Variants in EIF4B observed in about 807,000 individuals in gnomAD.
The protein encoded by EIF4B is eukaryotic translation initiation factor 4B.
Under a neutral mutation model 79.3 loss-of-function variants are expected in EIF4B, and 8 were observed. That is an observed-to-expected ratio of 0.10 (90% confidence interval 0.06 to 0.18). The LOEUF is 0.18. EIF4B is among the 10% of genes least tolerant of loss of function. The pLI is 1.00. For missense variants in EIF4B, 515 were observed against 792.4 expected (o/e 0.65, Z 4.20); for synonymous variants, 238 against 274.7 (o/e 0.87, Z 1.32).
chr12:53,013,522 C>T (rs999021590), intron 1 of EIF4B: 1 of 152,246 alleles, frequency 6.6e-6, no homozygotes, highest in Admixed American at 6.5e-5. Context: ...CACAGTGGCT[C>T]ATGCCTGTAA....
rs1355353594 is a variant in EIF4B, at chr12:53,028,058, T to A, written c.849T>A (p.Ser283Arg). 4 of 1,613,404 alleles carry A rather than the reference T, an allele frequency of 2.5e-6. No homozygotes were observed. The highest frequency in any genetic ancestry group is 3.4e-6 in the Non-Finnish European group (4 of 1,179,682). Residue 283 changes from serine to arginine, a missense_variant, in exon 8 of 15, where the codon AGT becomes AGA. Physicochemically the swap from Ser to Arg is moderately radical, Grantham distance 110. Coordinates refer to ENST00000262056, the MANE Select transcript of EIF4B (RefSeq NM_001417.7). Reference protein sequence around the residue: ...RIGSGRRAFGSGYRRDDDYRG... With the variant: ...RIGSGRRAFGRGYRRDDDYRG... Reference sequence around the variant, plus strand: ...GCAGTGGCAGAAGAGCATTTGGCAGTGGGTATCGCAGGGATGATGACTACA... The same window carrying A: ...GCAGTGGCAGAAGAGCATTTGGCAGAGGGTATCGCAGGGATGATGACTACA...
intron 10 of EIF4B, 50 bp downstream of exon 10, chr12:53,034,759 A>G (rs1419106572): frequency 1.1e-5 from 18 of 1,599,436 alleles, no homozygotes; most frequent in South Asian, 6.6e-5. Flanking sequence ...TCCATAAACT[A>G]TCCATAACCA....
chr12:53,025,426 A>T, intron 6 of EIF4B: 1 of 337,148 alleles, frequency 3.0e-6, no homozygotes. Flanking sequence ...CTCCTGTCCC[A>T]AGCATTAGGC....
chr12:53,019,423 TTATA>T (rs143395955), intron 3 of EIF4B, among the ~76,000 whole-genome samples: 4,046 of 65,170 alleles, frequency 0.062, 259 homozygotes, highest in Non-Finnish European at 0.12. Context: ...AAAATCAAAA[TTATA>T]TATATATATA....
In EIF4B at chr12:53,021,822, G is replaced by A; in HGVS notation, c.494G>A (p.Arg165Lys). 1 of 1,614,188 alleles carries A rather than the reference G, an allele frequency of 6.2e-7. No individual in the cohort carries two copies. ...TGCTCTCAGTCTCTAGGTAACAGGA[G>A]AATTCGAGTGGACGTTGCTGATCAA... Reference protein sequence around the residue: ...SLNEESLGNRRIRVDVADQAQ... With the variant: ...SLNEESLGNRKIRVDVADQAQ... The change falls in exon 5 of 15, where the codon AGA becomes AAA. Residue 165 changes from arginine (R) to lysine (K), a missense_variant. By Grantham distance (26) the Arg-to-Lys change is conservative. Coordinates refer to ENST00000262056, the MANE Select transcript of EIF4B (RefSeq NM_001417.7).
chr12:53,019,763 C>T (rs1322526391), intron 3 of EIF4B, 147 bp from the exon 4 acceptor site: 1 of 634,054 alleles, frequency 1.6e-6, no homozygotes, highest in East Asian at 3.4e-5. Context: ...TACTATCCCT[C>T]TGCATCAGTT....
At chr12:53,020,458 G>A (rs547422506) in intron 4 of EIF4B, among the ~76,000 whole-genome samples, 1 of 152,116 alleles carries the variant, frequency 6.6e-6, no homozygotes, top group Non-Finnish European at 1.5e-5. Flanking sequence ...TCATTTAAGA[G>A]GATTTGGAAA....
At chr12:53,011,710 T>C (rs1943066170) in intron 1 of EIF4B, among the ~76,000 whole-genome samples, 1 of 152,254 alleles carries the variant, frequency 6.6e-6, no homozygotes, top group Admixed American at 6.5e-5. Context: ...AAACCATGAA[T>C]GTGTTGTCTC....
chr12:53,037,494 T>A lies in EIF4B; in HGVS notation c.1392T>A (p.Pro464=), dbSNP rs554869907. The A allele has an allele frequency of 2.5e-6, 4 of 1,613,620 alleles. No individual in the cohort carries two copies. The South Asian group carries it at 4.4e-5, about 18-fold the overall frequency. Residue 464 remains proline, a synonymous_variant, in exon 11 of 15, where the codon CCT becomes CCA. Coordinates refer to ENST00000262056, the MANE Select transcript of EIF4B (RefSeq NM_001417.7). ...EEDCHSPTSK[P]PKPDQPLKVM... is the part of the protein sequence containing the mutation. ...ATTGCCACTCTCCAACTTCTAAACCTCCCAAACCTGATCAGCCCCTAAAGG... is the reference window on the plus strand; with the variant it reads ...ATTGCCACTCTCCAACTTCTAAACCACCCAAACCTGATCAGCCCCTAAAGG...
intron 6 of EIF4B, among the ~76,000 whole-genome samples, chr12:53,022,967 C>CA (rs1943271734): frequency 6.6e-6 from 1 of 151,972 alleles, no homozygotes; most frequent in South Asian, 2.1e-4. Context: ...AGTTTGAGAG[C>CA]AGCCTGGGCG....
At chr12:53,018,645 G>A (rs577373581) in intron 2 of EIF4B, 153 bp from the exon 3 acceptor site, 39 of 659,366 alleles carry the variant, frequency 5.9e-5, no homozygotes, top group Middle Eastern at 4.2e-4. Flanking sequence ...GCTTCTCTTC[G>A]TAAAGTGCCC....
intron 5 of EIF4B, chr12:53,022,159 T>C: frequency 1.5e-6 from 1 of 664,978 alleles, no homozygotes; most frequent in Non-Finnish European, 2.7e-6. Flanking sequence ...TTGAGAAGAC[T>C]GATTGATCTA....
In EIF4B at chr12:53,019,952, A is replaced by C. The variant is rs535049925; in HGVS notation, c.403A>C (p.Arg135=). The change falls in exon 4 of 15, where the codon AGG becomes CGG. Residue 135 remains arginine (R), a synonymous_variant. Coordinates refer to ENST00000262056, the MANE Select transcript of EIF4B (RefSeq NM_001417.7). ...RLPREPSNPE[R]LKGFGYAEFE... ...ACCACGTGAACCCAGCAATCCAGAG[A>C]GGTTGAAAGGTTTTGGTTATGCTGA... 11 of 1,612,942 alleles carry C rather than the reference A, an allele frequency of 6.8e-6. No individual in the cohort carries two copies. In the South Asian group the frequency reaches 1.2e-4, roughly 18 times the overall value.
chr12:53,016,283 T>C (rs944054102), intron 1 of EIF4B, among the ~76,000 whole-genome samples, 190 bp from the exon 2 acceptor site: 1 of 152,254 alleles, frequency 6.6e-6, no homozygotes, highest in Admixed American at 6.5e-5. Flanking sequence ...TTACACATAA[T>C]AGGTATTCTG....
chr12:53,034,087 G>A, intron 9 of EIF4B, 53 bp downstream of exon 9: 1 of 1,519,062 alleles, frequency 6.6e-7, no homozygotes, highest in Non-Finnish European at 8.9e-7. Context: ...TCGTAATGGG[G>A]GCATTACATC....
rs1438458719 is a variant in EIF4B, at chr12:53,029,352, A to AT, written c.979+1170dup. Among the ~76,000 whole-genome samples, 6 of 148,944 alleles carry AT rather than the reference A, an allele frequency of 4.0e-5. No homozygotes were observed. In the South Asian group the frequency reaches 6.4e-4, roughly 16 times the overall value. On this transcript the variant is annotated intron_variant, in intron 8 of 14. Transcript: ENST00000262056. ...AAAAGGTTATGGTATCTGGCCCAGA[A>AT]TTTTTTCTATCCTTTTTTTATTTTA...
intron 1 of EIF4B, among the ~76,000 whole-genome samples, chr12:53,012,585 CT>C (rs796811272): frequency 1.1e-4 from 16 of 143,960 alleles, no homozygotes; most frequent in Admixed American, 2.8e-4. Flanking sequence ...ACAGTAATTT[CT>C]TTTTTTTTTC....
At chr12:53,026,946 C>T (rs1043241505) in intron 6 of EIF4B, among the ~76,000 whole-genome samples, 4 of 151,718 alleles carry the variant, frequency 2.6e-5, no homozygotes, top group Non-Finnish European at 5.9e-5. Context: ...AAATTATGTC[C>T]TGTTAGTCAT....
chr12:53,019,931 C>T lies in EIF4B; in HGVS notation c.382C>T (p.Arg128Cys), dbSNP rs775564226. The T allele has an allele frequency of 2.5e-6, 4 of 1,611,222 alleles. No homozygotes were observed. Among genetic ancestry groups the T allele is most frequent in the South Asian group, 1.1e-5 (1 of 90,390 alleles). ...TCAGATCAGTGCAGTGCGTTTACCA[C>T]GTGAACCCAGCAATCCAGAGAGGTT... is the stretch of plus-strand genomic sequence containing the variant. ...GLNISAVRLP[R>C]EPSNPERLKG... Residue 128 changes from arginine to cysteine, a missense_variant, in exon 4 of 15, where the codon CGT becomes TGT. By Grantham distance (180) the Arg-to-Cys change is radical. Around this residue, in one of 6 missense-constraint regions of EIF4B, gnomAD observed 105 missense variants for 177.2 expected, o/e 0.59. Coordinates refer to ENST00000262056, the MANE Select transcript of EIF4B (RefSeq NM_001417.7).
Sources: gnomAD v4.1 joint callset for allele counts (sites outside exome capture counted in the v4.1 genomes callset) on GRCh38, gnomAD v4.1.1 for gene constraint, gnomAD v4.1.1 regional missense constraint, MANE v1.5 for transcripts, NCBI Gene and HGNC (gene_info 2026-07-23, HGNC 2026-07-21) for gene names.